Variants in NCOA3 observed in about 807,000 individuals in gnomAD.
The protein encoded by NCOA3 is nuclear receptor coactivator 3, also known as CBP-interacting protein.
Under a neutral mutation model 158.8 loss-of-function variants are expected in NCOA3, and 51 were observed. The ratio of observed to expected loss-of-function variants is 0.32; its 90% CI spans 0.26 to 0.41. The LOEUF (loss-of-function observed/expected upper bound fraction) is 0.41. NCOA3 is among the 10% of genes least tolerant of loss of function. NCOA3 has a pLI of 1.00. For missense variants in NCOA3, 1,510 were observed against 1,746.6 expected (o/e 0.86, Z 2.41); for synonymous variants, 537 against 592.4 (o/e 0.91, Z 1.36).
At chr20:47,517,134 C>T (rs887149707) in intron 1 of NCOA3, among the ~76,000 whole-genome samples, 2 of 152,150 alleles carry the variant, frequency 1.3e-5, no homozygotes, top group Non-Finnish European at 2.9e-5. Context: ...AGGAGAATTG[C>T]TTGAACCTTG....
intron 1 of NCOA3, among the ~76,000 whole-genome samples, chr20:47,521,328 C>T (rs1354788518): frequency 6.6e-6 from 1 of 152,064 alleles, no homozygotes; most frequent in Admixed American, 6.6e-5. Context: ...AAAGAAATAG[C>T]ACTCGAATAT....
intron 3 of NCOA3, among the ~76,000 whole-genome samples, chr20:47,623,653 T>C (rs946788567): frequency 1.3e-5 from 2 of 152,124 alleles, no homozygotes; most frequent in Non-Finnish European, 2.9e-5. Context: ...CCAGGCGTGG[T>C]GGCGCATGCC....
chr20:47,592,642 C>T (rs2085665060), intron 2 of NCOA3, among the ~76,000 whole-genome samples: 1 of 152,186 alleles, frequency 6.6e-6, no homozygotes, highest in Non-Finnish European at 1.5e-5. Context: ...TTACAAACTA[C>T]AGACCATTTT....
chr20:47,514,331 T>G (rs2084195862), intron 1 of NCOA3, among the ~76,000 whole-genome samples: 1 of 152,138 alleles, frequency 6.6e-6, no homozygotes, highest in Non-Finnish European at 1.5e-5. Flanking sequence ...CACAACAGTC[T>G]CATTCTCACT....
intron 1 of NCOA3, among the ~76,000 whole-genome samples, chr20:47,573,904 A>C (rs1270775666): frequency 6.6e-6 from 1 of 152,178 alleles, no homozygotes; most frequent in Non-Finnish European, 1.5e-5. Context: ...TCCTTTGCAC[A>C]TACAGAATGC....
At chr20:47,533,144 G>A (rs1602358768) in intron 1 of NCOA3, among the ~76,000 whole-genome samples, 1 of 145,088 alleles carries the variant, frequency 6.9e-6, no homozygotes, top group Non-Finnish European at 1.5e-5. Flanking sequence ...TTAACCGGGC[G>A]TGGTGGCAGG....
At chr20:47,633,179 A>G (rs1317444263) in intron 8 of NCOA3, among the ~76,000 whole-genome samples, 3 of 152,166 alleles carry the variant, frequency 2.0e-5, no homozygotes, top group African/African-American at 7.2e-5. Context: ...GTGTGTTCCA[A>G]AGGGGCTCTT....
chr20:47,600,288 C>T (rs2085838638), intron 2 of NCOA3, among the ~76,000 whole-genome samples: 1 of 151,738 alleles, frequency 6.6e-6, no homozygotes, highest in Non-Finnish European at 1.5e-5. Flanking sequence ...CATTCTCCTG[C>T]CTTAGCCTCC....
At chr20:47,593,293 C>T (rs995006761) in intron 2 of NCOA3, among the ~76,000 whole-genome samples, 4 of 145,614 alleles carry the variant, frequency 2.7e-5, no homozygotes, top group African/African-American at 5.1e-5. Context: ...TTCATTGTCT[C>T]GGAAATTAAC....
chr20:47,535,116 A>C (rs935171791), intron 1 of NCOA3, among the ~76,000 whole-genome samples: 3 of 151,802 alleles, frequency 2.0e-5, no homozygotes, highest in Admixed American at 1.3e-4. Flanking sequence ...GCAGTAGTGC[A>C]GTGGCACAAT....
chr20:47,570,055 T>C (rs1423894066), intron 1 of NCOA3, among the ~76,000 whole-genome samples: 1 of 152,104 alleles, frequency 6.6e-6, no homozygotes, highest in Non-Finnish European at 1.5e-5. Flanking sequence ...TTAAGAACTA[T>C]GTTTATGTGA....
In NCOA3 at chr20:47,507,654, T is replaced by C. The variant is rs527882467; in HGVS notation, c.-99+5635T>C. On this transcript the variant is annotated intron_variant, in intron 1 of 22. Transcript: ENST00000371998. ...TTGTTTTGAGATGGAGTTTCACTCT[T>C]GTTGCCCAGGCTGGAGTGCAATGGC... is the stretch of plus-strand genomic sequence containing the variant. Among the ~76,000 whole-genome samples the C allele has an allele frequency of 2.6e-5, 4 of 152,348 alleles. No homozygotes were observed. In the South Asian group the frequency reaches 8.3e-4, roughly 32 times the overall value.
chr20:47,524,915 AT>A (rs949745571), intron 1 of NCOA3, among the ~76,000 whole-genome samples: 16 of 151,874 alleles, frequency 1.1e-4, no homozygotes, highest in Admixed American at 3.3e-4. Flanking sequence ...TTTCTATTTT[AT>A]TTTATTTATT....
intron 7 of NCOA3, 77 bp from the exon 8 acceptor site, chr20:47,627,845 A>G: frequency 6.4e-7 from 1 of 1,572,232 alleles, no homozygotes; most frequent in South Asian, 1.1e-5. Context: ...ACTGAATTCC[A>G]TGTCTTTGCT....
intron 2 of NCOA3, among the ~76,000 whole-genome samples, chr20:47,603,704 G>C (rs928130208): frequency 1.3e-5 from 2 of 152,200 alleles, no homozygotes; most frequent in Admixed American, 1.3e-4. Context: ...CCTGGAATTT[G>C]GCCATCCAGT....
intron 1 of NCOA3, among the ~76,000 whole-genome samples, chr20:47,552,698 A>C (rs772517021): frequency 3.9e-5 from 6 of 152,182 alleles, no homozygotes; most frequent in Non-Finnish European, 5.9e-5. Flanking sequence ...TGTTCATTAA[A>C]GGTTTTTGTT....
At chr20:47,635,177 C>T in intron 10 of NCOA3, 145 bp from the exon 11 acceptor site, 1 of 724,494 alleles carries the variant, frequency 1.4e-6, no homozygotes, top group Non-Finnish European at 2.1e-6. Context: ...GATCCTCCTG[C>T]CTCAGCTTCC....
chr20:47,607,955 T>G (rs774151149), intron 2 of NCOA3, among the ~76,000 whole-genome samples: 3 of 152,204 alleles, frequency 2.0e-5, no homozygotes, highest in Non-Finnish European at 4.4e-5. Flanking sequence ...ATAATTCTCA[T>G]TGTTTCAGAA....
In NCOA3 at chr20:47,639,218, T is replaced by C. The variant is rs2086565675; in HGVS notation, c.2707+16T>C. 6.3e-7 allele frequency: 1 copy of C among 1,576,798 alleles called. No homozygotes were observed. The highest frequency in any genetic ancestry group is 8.7e-7 in the Non-Finnish European group (1 of 1,148,876). On this transcript the variant is annotated intron_variant, in intron 14 of 22. Coordinates refer to ENST00000371998, the MANE Select transcript of NCOA3 (RefSeq NM_181659.3). ...TCAAGTATGGGTACGTTATTTCTAA[T>C]TAGTATGTATGATTATTTTGGGAAA...
Sources: allele counts gnomAD v4.1 joint callset (sites outside exome capture counted in the v4.1 genomes callset), GRCh38; gene constraint gnomAD v4.1.1; transcripts MANE v1.5; gene names NCBI Gene and HGNC (gene_info 2026-07-23, HGNC 2026-07-21).